The following USP4 variants were observed in gnomAD, a reference collection of about 807,000 sequenced individuals.
The protein encoded by USP4 is ubiquitin specific peptidase 4.
A neutral mutation model predicts 118.2 loss-of-function variants in USP4; 72 were observed. That is an observed-to-expected ratio of 0.61 (90% CI 0.50 to 0.74). The LOEUF (loss-of-function observed/expected upper bound fraction) is 0.74. Ranked by LOEUF, USP4 falls within the 30% of genes least tolerant of loss-of-function variation. USP4 has a pLI of 0.00. For synonymous variants in USP4, 415 were observed against 440.4 expected, an observed-to-expected ratio of 0.94 and a Z score of 0.72; for missense variants, 1,037 against 1,185.7, an observed-to-expected ratio of 0.87 and a Z score of 1.84.
At chr3:49,278,590 C>T in intron 21 of USP4, 139 bp from the exon 22 acceptor site, 1 of 1,077,464 alleles carries the variant, frequency 9.3e-7, no homozygotes, top group Non-Finnish European at 1.3e-6. Flanking sequence ...GGATGGCTGC[C>T]CCTGCCAGGC....
intron 20 of USP4, among the ~76,000 whole-genome samples, chr3:49,279,696 T>C (rs2046997521): frequency 6.6e-6 from 1 of 152,156 alleles, no homozygotes; most frequent in South Asian, 2.1e-4. Flanking sequence ...TTAGGTAAGG[T>C]GTTTAACACT....
intron 19 of USP4, among the ~76,000 whole-genome samples, chr3:49,282,568 CGCCCA>C (rs920666987): frequency 2.7e-5 from 4 of 150,022 alleles, no homozygotes; most frequent in Non-Finnish European, 5.9e-5. Context: ...TGAGCCACTG[CGCCCA>C]GCCAAGATAA....
intron 18 of USP4, 66 bp from the exon 19 acceptor site, chr3:49,284,202 T>C: frequency 1.3e-6 from 2 of 1,597,298 alleles, no homozygotes; most frequent in South Asian, 1.1e-5. Context: ...CACTCATGCA[T>C]GGAGGCACAG....
intron 1 of USP4, among the ~76,000 whole-genome samples, chr3:49,336,531 CT>C (rs67164481): frequency 0.19 from 27,543 of 146,478 alleles, 3,064 homozygotes; most frequent in Non-Finnish European, 0.26. Flanking sequence ...TCATTAACTT[CT>C]TTTTTTTTTG....
Position 49,284,451 on chromosome 3 carries a change from T to G in USP4, c.2390+15A>C, listed in dbSNP as rs1205345166. 1 of 1,607,456 alleles carries G rather than the reference T, an allele frequency of 6.2e-7. No individual in the cohort carries two copies. Among genetic ancestry groups the G allele is most frequent in the Non-Finnish European group, 8.5e-7 (1 of 1,174,870 alleles). On this transcript the variant is annotated intron_variant, in intron 18 of 21. Coordinates refer to ENST00000265560, the MANE Select transcript of USP4 (RefSeq NM_003363.4). ...GTGCATGGGGCCTCTGCCCAGACAGTGAGGAGCTGCGTACCAGGGGTCATG... is the reference window on the plus strand; with the variant it reads ...GTGCATGGGGCCTCTGCCCAGACAGGGAGGAGCTGCGTACCAGGGGTCATG...
chr3:49,293,262 T>C (rs1375250098), intron 14 of USP4, among the ~76,000 whole-genome samples: 2 of 151,750 alleles, frequency 1.3e-5, no homozygotes, highest in African/African-American at 2.4e-5. Context: ...CCTGTAATCC[T>C]AGCACTCTGG....
intron 16 of USP4, 119 bp downstream of exon 16, chr3:49,285,979 G>T (rs1420500116): frequency 5.4e-6 from 5 of 920,070 alleles, no homozygotes; most frequent in Non-Finnish European, 6.7e-6. Flanking sequence ...TCATACAAGT[G>T]CTGCTCCTGG....
intron 15 of USP4, among the ~76,000 whole-genome samples, chr3:49,291,553 G>A (rs1158946557): frequency 7.3e-6 from 1 of 137,708 alleles, no homozygotes; most frequent in Admixed American, 7.9e-5. Context: ...CTGCATGGGC[G>A]ACAGAGCAAG....
At position 49,277,188 on chromosome 3, in the gene USP4, G is replaced by C. The variant is rs1575596803; in HGVS notation, c.*1105C>G. ...GGCAGCCACGTCCTTGTCCTCACCCGCAGCGCAGTGACGCCGACCCATCCA... is the reference window on the plus strand; with the variant it reads ...GGCAGCCACGTCCTTGTCCTCACCCCCAGCGCAGTGACGCCGACCCATCCA... On this transcript the variant is annotated 3_prime_UTR_variant, in exon 22 of 22. Transcript: ENST00000265560. The C allele has an allele frequency of 7.3e-7, 1 of 1,365,332 alleles. No individual in the cohort carries two copies. Among genetic ancestry groups the C allele is most frequent in the African/African-American group, 1.5e-5 (1 of 68,872 alleles). 84.6% of individuals were successfully genotyped at this position (1,365,332 alleles called of 1,614,324 possible). A position where few individuals can be genotyped will look rare whatever the true frequency, so the allele number is the denominator to read the frequency against.
At chr3:49,322,388 G>A (rs1351011854) in intron 6 of USP4, among the ~76,000 whole-genome samples, 1 of 152,208 alleles carries the variant, frequency 6.6e-6, no homozygotes. Context: ...GACAAGCAGT[G>A]CTAGCACAAA....
intron 16 of USP4, among the ~76,000 whole-genome samples, chr3:49,285,865 T>A (rs1311038076): frequency 6.6e-6 from 1 of 151,482 alleles, no homozygotes; most frequent in African/African-American, 2.4e-5. Flanking sequence ...GCAGAGGGAG[T>A]GGAGGGAGAC....
intron 11 of USP4, 47 bp downstream of exon 11, chr3:49,300,420 G>A: frequency 1.3e-6 from 2 of 1,567,560 alleles, no homozygotes; most frequent in Non-Finnish European, 1.8e-6. Context: ...CTGGGATCTG[G>A]AGACCACTTG....
chr3:49,278,548 CAT>C, intron 21 of USP4, 97 bp from the exon 22 acceptor site: 1 of 1,428,758 alleles, frequency 7.0e-7, no homozygotes, highest in Non-Finnish European at 9.5e-7. Flanking sequence ...AAGGATCTGC[CAT>C]ATCCACACAG....
At chr3:49,305,939 G>T (rs1366777883) in intron 8 of USP4, 51 bp from the exon 9 acceptor site, 3 of 1,507,632 alleles carry the variant, frequency 2.0e-6, no homozygotes, top group Non-Finnish European at 2.7e-6. Flanking sequence ...CAGTACCAGA[G>T]ATACAAGATA....
Position 49,311,621 on chromosome 3 carries a change from G to C in USP4, c.729C>G (p.Thr243=), listed in dbSNP as rs758964613. The change falls in exon 7 of 22, where the codon ACC becomes ACG. Residue 243 remains threonine, a synonymous_variant. Coordinates refer to ENST00000265560, the MANE Select transcript of USP4 (RefSeq NM_003363.4). Reference sequence around the variant, plus strand: ...AGGGACTTGCTGATGATTTTGGAGAGGTAGTAAAATTTCTGCTAGGCGCAG... The same window carrying C: ...AGGGACTTGCTGATGATTTTGGAGACGTAGTAAAATTTCTGCTAGGCGCAG... ...SSTAPSRNFT[T]SPKSSASPYS... 6.2e-7 allele frequency: 1 copy of C among 1,613,852 alleles called. No homozygotes were observed. Among genetic ancestry groups the C allele is most frequent in the African/African-American group, 1.3e-5 (1 of 74,926 alleles).
At chr3:49,332,264 G>A (rs998565914) in intron 2 of USP4, among the ~76,000 whole-genome samples, 6 of 151,990 alleles carry the variant, frequency 3.9e-5, no homozygotes, top group Admixed American at 3.3e-4. Context: ...ACGACAGAGC[G>A]AGACTCTGTC....
At chr3:49,288,863 A>C (rs570060131) in intron 15 of USP4, among the ~76,000 whole-genome samples, 1 of 152,312 alleles carries the variant, frequency 6.6e-6, no homozygotes, top group South Asian at 2.1e-4. Flanking sequence ...TGATCCCAGC[A>C]CGTTGGGAGG....
At chr3:49,321,856 T>TG (rs2047506336) in intron 6 of USP4, among the ~76,000 whole-genome samples, 1 of 152,002 alleles carries the variant, frequency 6.6e-6, no homozygotes, top group African/African-American at 2.4e-5. Context: ...TGGCTGTGCA[T>TG]GGGTGGCATG....
chr3:49,284,359 G>C (rs929564695), intron 18 of USP4, 107 bp downstream of exon 18: 7 of 1,069,404 alleles, frequency 6.5e-6, no homozygotes, highest in Middle Eastern at 3.1e-4. Flanking sequence ...GCTATATAAA[G>C]AAGTGACACA....
Sources: gnomAD v4.1 joint callset for allele counts (sites outside exome capture counted in the v4.1 genomes callset) on GRCh38, gnomAD v4.1.1 for gene constraint, MANE v1.5 for transcripts, NCBI Gene and HGNC (gene_info 2026-07-23, HGNC 2026-07-21) for gene names.